The following GPC5 variants were observed in gnomAD, a reference collection of about 807,000 sequenced individuals.
The protein encoded by GPC5 is glypican-5.
GPC5 carries 47 observed loss-of-function variants against 53.9 expected under a neutral mutation model. That is an observed-to-expected ratio of 0.87 (90% CI 0.69 to 1.11). GPC5 has a LOEUF of 1.11. Ranked by LOEUF, GPC5 falls within the 50% of genes most tolerant of loss-of-function variation. The probability of loss-of-function intolerance (pLI) is 0.00; values close to 1 mark genes in which losing one functional copy is unlikely to be tolerated. For synonymous variants in GPC5, 286 were observed against 263.3 expected (o/e 1.09, Z -0.84); for missense variants, 748 against 713.1 (o/e 1.05, Z -0.56).
At chr13:92,453,105 G>T (rs1878131160) in intron 7 of GPC5, among the ~76,000 whole-genome samples, 1 of 152,066 alleles carries the variant, frequency 6.6e-6, no homozygotes, top group East Asian at 1.9e-4. Flanking sequence ...ATATGAATGT[G>T]ATTATTTTTC....
chr13:91,489,967 G>T (rs993225468), intron 2 of GPC5, among the ~76,000 whole-genome samples: 2 of 152,154 alleles, frequency 1.3e-5, no homozygotes, highest in African/African-American at 4.8e-5. Flanking sequence ...AAAGAAAAAG[G>T]CGGAGGGGGG....
chr13:92,106,402 A>G (rs1877940528), intron 6 of GPC5, among the ~76,000 whole-genome samples: 1 of 152,112 alleles, frequency 6.6e-6, no homozygotes, highest in South Asian at 2.1e-4. Flanking sequence ...ATTTATTTTA[A>G]TTATATGACA....
At position 92,451,599 on chromosome 13, in the gene GPC5, T is replaced by C. The variant is rs192775695; in HGVS notation, c.1561+306610T>C. ...CATAAGGAATATGTATCCTAAATAA[T>C]GATATGTTCTGCACGTGGCACAATC... On this transcript the variant is annotated intron_variant, in intron 7 of 7. Coordinates refer to ENST00000377067, the MANE Select transcript of GPC5 (RefSeq NM_004466.6). 2.6e-5 allele frequency among the ~76,000 whole-genome samples: 4 copies of C among 152,288 alleles called. No individual in the cohort carries two copies. In the East Asian group the frequency reaches 5.8e-4, roughly 22 times the overall value.
intron 2 of GPC5, among the ~76,000 whole-genome samples, chr13:91,681,296 A>G (rs1041278990): frequency 1.3e-5 from 2 of 152,172 alleles, no homozygotes; most frequent in African/African-American, 4.8e-5. Context: ...ATTTTTACCA[A>G]TAGAGGGTAT....
intron 7 of GPC5, among the ~76,000 whole-genome samples, chr13:92,785,657 T>A (rs568249632): frequency 6.6e-6 from 1 of 152,334 alleles, no homozygotes; most frequent in South Asian, 2.1e-4. Context: ...TTTTGCACCA[T>A]TCATTTGCTT....
At chr13:92,145,598 G>C (rs1450565576) in intron 7 of GPC5, among the ~76,000 whole-genome samples, 1 of 151,926 alleles carries the variant, frequency 6.6e-6, no homozygotes, top group Non-Finnish European at 1.5e-5. Flanking sequence ...TTACCAAATA[G>C]ATTTCCCTTC....
At chr13:92,795,306 A>G (rs1038647872) in intron 7 of GPC5, among the ~76,000 whole-genome samples, 2 of 151,990 alleles carry the variant, frequency 1.3e-5, no homozygotes, top group African/African-American at 2.4e-5. Context: ...TTTAATAAAC[A>G]GTGCTGGGAA....
chr13:91,757,274 A>G (rs897030270), intron 5 of GPC5, among the ~76,000 whole-genome samples: 1 of 152,060 alleles, frequency 6.6e-6, no homozygotes, highest in Non-Finnish European at 1.5e-5. Context: ...AAATAAATAT[A>G]TTTTTTATTT....
intron 6 of GPC5, among the ~76,000 whole-genome samples, chr13:91,936,110 G>A (rs2039868682): frequency 6.6e-6 from 1 of 152,034 alleles, no homozygotes; most frequent in Admixed American, 6.6e-5. Context: ...AACAGTGATT[G>A]TATTAACTAG....
At chr13:92,073,029 A>T in intron 6 of GPC5, among the ~76,000 whole-genome samples, 1 of 109,958 alleles carries the variant, frequency 9.1e-6, no homozygotes, top group East Asian at 4.9e-4. Flanking sequence ...CATCTTACTT[A>T]AACCTACCTC....
chr13:91,417,889 A>G (rs1484108691), intron 1 of GPC5, among the ~76,000 whole-genome samples: 1 of 152,108 alleles, frequency 6.6e-6, no homozygotes, highest in Non-Finnish European at 1.5e-5. Flanking sequence ...GATACTTTTC[A>G]CACATCTTAT....
At chr13:91,718,997 A>G (rs951887736) in intron 3 of GPC5, among the ~76,000 whole-genome samples, 1 of 152,106 alleles carries the variant, frequency 6.6e-6, no homozygotes, top group African/African-American at 2.4e-5. Flanking sequence ...AATGTATTTT[A>G]TTTCCAGTTT....
chr13:91,906,728 A>G (rs2039556930), intron 5 of GPC5, among the ~76,000 whole-genome samples: 1 of 152,108 alleles, frequency 6.6e-6, no homozygotes, highest in East Asian at 1.9e-4. Context: ...AAATATTTTT[A>G]TTAATTCTAA....
intron 7 of GPC5, among the ~76,000 whole-genome samples, chr13:92,464,031 G>A (rs74822787): frequency 0.015 from 2,352 of 152,232 alleles, 26 homozygotes; most frequent in Middle Eastern, 0.051. Flanking sequence ...TGTATATATC[G>A]TTTCAACTAA....
intron 7 of GPC5, among the ~76,000 whole-genome samples, chr13:92,236,477 G>C (rs923320537): frequency 6.6e-6 from 1 of 152,004 alleles, no homozygotes; most frequent in Non-Finnish European, 1.5e-5. Context: ...AAAAATAGAA[G>C]AATATATGTG....
Position 91,734,770 on chromosome 13 carries a change from C to A in GPC5, c.1154+6105C>A, listed in dbSNP as rs982542626. Among the ~76,000 whole-genome samples the A allele has an allele frequency of 5.3e-5, 8 of 151,370 alleles. No individual in the cohort carries two copies. In the South Asian group the frequency reaches 8.3e-4, roughly 16 times the overall value. On this transcript the variant is annotated intron_variant, in intron 4 of 7. Transcript: ENST00000377067. ...ATATCTTTAATTTCCAAATATTTTTCATTGGTCTCTTTTTAAATTCACATC... is the reference window on the plus strand; with the variant it reads ...ATATCTTTAATTTCCAAATATTTTTAATTGGTCTCTTTTTAAATTCACATC...
At chr13:91,692,766 C>T (rs1446507227) in intron 2 of GPC5, among the ~76,000 whole-genome samples, 1 of 152,194 alleles carries the variant, frequency 6.6e-6, no homozygotes, top group Non-Finnish European at 1.5e-5. Flanking sequence ...GCCTCAGCCT[C>T]CTGAGTAACT....
At chr13:92,574,684 C>A (rs912839451) in intron 7 of GPC5, among the ~76,000 whole-genome samples, 1 of 152,140 alleles carries the variant, frequency 6.6e-6, no homozygotes, top group African/African-American at 2.4e-5. Flanking sequence ...TCTGAGTGGG[C>A]AGTCTGGCTC....
Position 92,866,606 on chromosome 13 carries a change from C to A in GPC5, c.*167C>A. ...TGAAATATTCATAAAGTCCCTAAAA[C>A]TCAACGTTTAAATGACACACTTTAA... On this transcript the variant is annotated 3_prime_UTR_variant, in exon 8 of 8. Transcript: ENST00000377067. 2.0e-6 allele frequency: 1 copy of A among 489,992 alleles called. No homozygotes were observed. Among genetic ancestry groups the A allele is most frequent in the Non-Finnish European group, 3.4e-6 (1 of 293,014 alleles). 30.4% of individuals were successfully genotyped at this position (489,992 alleles called of 1,614,324 possible). A position where few individuals can be genotyped will look rare whatever the true frequency, so the allele number is the denominator to read the frequency against.
Sources: gnomAD v4.1 joint callset for allele counts (sites outside exome capture counted in the v4.1 genomes callset) on GRCh38, gnomAD v4.1.1 for gene constraint, MANE v1.5 for transcripts, NCBI Gene and HGNC (gene_info 2026-07-23, HGNC 2026-07-21) for gene names.